Variants in NOTCH1 observed in about 807,000 individuals in gnomAD.
NOTCH1 encodes neurogenic locus notch homolog protein 1.
In NOTCH1, 37 loss-of-function variants were observed where a neutral mutation model predicts 254.8. The ratio of observed to expected loss-of-function variants is 0.15; its 90% CI spans 0.11 to 0.19. NOTCH1 has a LOEUF of 0.19. Ranked by LOEUF, NOTCH1 falls within the 10% of genes least tolerant of loss-of-function variation. The pLI, the probability that NOTCH1 is intolerant of heterozygous loss-of-function variation, is 1.00. For synonymous variants in NOTCH1, 1,731 were observed against 1,618.1 expected, an observed-to-expected ratio of 1.07 and a Z score of -1.68; for missense variants, 2,972 against 3,708.6, an observed-to-expected ratio of 0.80 and a Z score of 5.16.
chr9:136,505,703 T>C lies in NOTCH1; in HGVS notation c.4193A>G (p.Tyr1398Cys), dbSNP rs2133340423. ...TGTGGGCTCACAGGTCCCCTGGTTG[T>C]AGCAGGGGTTGCCGCCCAGGCAGGG... ...SSPCLGGNPC[Y>C]NQGTCEPTSE... is the part of the protein sequence containing the mutation. Residue 1398 changes from tyrosine to cysteine, a missense_variant, in exon 25 of 34, where the codon TAC becomes TGC. Tyr to Cys is a radical substitution (Grantham distance 194). This residue lies in a region of NOTCH1 where 1,343 missense variants were observed against 1,557.0 expected (regional missense o/e 0.86). Coordinates refer to ENST00000651671, the MANE Select transcript of NOTCH1 (RefSeq NM_017617.5). The C allele has an allele frequency of 6.2e-7, 1 of 1,604,410 alleles. No homozygotes were observed. The highest frequency in any genetic ancestry group is 1.3e-5 in the African/African-American group (1 of 74,858).
In NOTCH1 at chr9:136,497,459, C is replaced by CCATATGATCCGTGATGTCCCGGTTGG; in HGVS notation, c.6254_6279dup (p.Asp2094ProfsTer26). 6.2e-7 allele frequency: 1 copy of CCATATGATCCGTGATGTCCCGGTTGG among 1,612,496 alleles called. No homozygotes were observed. The highest frequency in any genetic ancestry group is 8.5e-7 in the Non-Finnish European group (1 of 1,179,950). On this transcript the variant is annotated frameshift_variant, in exon 34 of 34. Coordinates refer to ENST00000651671, the MANE Select transcript of NOTCH1 (RefSeq NM_017617.5). LOFTEE classifies it high-confidence loss of function. Reference sequence around the variant, plus strand: ...TGTGCGATGTCGCGCGGCAGGCGGTCCATATGATCCGTGATGTCCCGGTTG... The same window carrying CCATATGATCCGTGATGTCCCGGTTGG: ...TGTGCGATGTCGCGCGGCAGGCGGTCCATATGATCCGTGATGTCCCGGTTGGCATATGATCCGTGATGTCCCGGTTG...
chr9:136,510,026 G>A (rs948984087), intron 17 of NOTCH1, 65 bp from the exon 18 acceptor site: 23 of 1,474,788 alleles, frequency 1.6e-5, no homozygotes, highest in African/African-American at 2.8e-5. Flanking sequence ...GGAGGGGGCC[G>A]GGAAGGCTGC....
rs780500109 is a variant in NOTCH1, at chr9:136,505,587, C to T, written c.4309G>A (p.Gly1437Arg). The T allele has an allele frequency of 2.6e-5, 42 of 1,610,312 alleles. No homozygotes were observed. Among genetic ancestry groups the T allele is most frequent in the Non-Finnish European group, 3.5e-5 (41 of 1,178,858 alleles). Residue 1437 changes from glycine (G) to arginine (R), a missense_variant, in exon 25 of 34, where the codon GGG becomes AGG. Gly to Arg is a moderately radical substitution (Grantham distance 125, BLOSUM62 -2). Coordinates refer to ENST00000651671, the MANE Select transcript of NOTCH1 (RefSeq NM_017617.5). ...ILDYSFGGGA[G>R]RDIPPPLIEE... is the part of the protein sequence containing the mutation. Reference sequence around the variant, plus strand: ...ATCAGCGGCGGGGGGATGTCGCGCCCGGCCCCACCCCCGAAGCTGTAGTCC... The same window carrying T: ...ATCAGCGGCGGGGGGATGTCGCGCCTGGCCCCACCCCCGAAGCTGTAGTCC...
chr9:136,521,600 T>C (rs1843367526), intron 4 of NOTCH1, among the ~76,000 whole-genome samples: 1 of 151,802 alleles, frequency 6.6e-6, no homozygotes, highest in Non-Finnish European at 1.5e-5. Context: ...GGAGGTAGGG[T>C]CCCGTGCTGC....
intron 15 of NOTCH1, 46 bp downstream of exon 15, chr9:136,512,975 C>CCCCCA: frequency 1.4e-6 from 1 of 719,678 alleles, no homozygotes; most frequent in Admixed American, 2.3e-5. Context: ...CCGCCCCTCC[C>CCCCCA]ACATAGGCCC....
chr9:136,542,254 C>T (rs1052044106), intron 2 of NOTCH1, among the ~76,000 whole-genome samples: 1 of 152,174 alleles, frequency 6.6e-6, no homozygotes, highest in African/African-American at 2.4e-5. Context: ...TTTCCCAGCA[C>T]GGTGTTCCTC....
chr9:136,501,725 G>T, intron 30 of NOTCH1, 23 bp downstream of exon 30: 1 of 1,608,994 alleles, frequency 6.2e-7, no homozygotes. Flanking sequence ...GGCTAGGGAA[G>T]CCCTGGCTGC....
Position 136,506,797 on chromosome 9 carries a change from T to C in NOTCH1, c.3820A>G (p.Asn1274Asp), listed in dbSNP as rs1187634949. Residue 1274 changes from asparagine to aspartate, a missense_variant, in exon 23 of 34, where the codon AAT becomes GAT. Physicochemically the swap from Asn to Asp is conservative, Grantham distance 23 (BLOSUM62 1). This residue lies in a region of NOTCH1 where 1,343 missense variants were observed against 1,557.0 expected (regional missense o/e 0.86). Coordinates refer to ENST00000651671, the MANE Select transcript of NOTCH1 (RefSeq NM_017617.5). The surrounding 1 kb of genome is among the most constrained non-coding windows in gnomAD (Gnocchi z 4.5). ...CEGDVNECLS[N>D]PCDARGTQNC... is the part of the protein sequence containing the mutation. Reference sequence around the variant, plus strand: ...TGGGTGCCACGGGCGTCGCAGGGATTGGACAGGCACTCGTTGACATCCCCC... The same window carrying C: ...TGGGTGCCACGGGCGTCGCAGGGATCGGACAGGCACTCGTTGACATCCCCC... 2 of 1,611,826 alleles carry C rather than the reference T, an allele frequency of 1.2e-6. No homozygotes were observed. Among genetic ancestry groups the C allele is most frequent in the South Asian group, 1.1e-5 (1 of 90,880 alleles).
In NOTCH1 at chr9:136,494,958, C is replaced by T. The variant is rs1842894150; in HGVS notation, c.*1113G>A. On this transcript the variant is annotated 3_prime_UTR_variant, in exon 34 of 34. Transcript: ENST00000651671. Reference sequence around the variant, plus strand: ...ATGCCCCCTGCCAGGGCTGCGGGGACAGGACCAAAGGACGCAGCCCACGGC... The same window carrying T: ...ATGCCCCCTGCCAGGGCTGCGGGGATAGGACCAAAGGACGCAGCCCACGGC... 2.5e-6 allele frequency: 1 copy of T among 398,842 alleles called. No homozygotes were observed. The highest frequency in any genetic ancestry group is 3.5e-5 in the East Asian group (1 of 28,206). 24.7% of individuals were successfully genotyped at this position (398,842 alleles called of 1,614,324 possible).
intron 18 of NOTCH1, 56 bp from the exon 19 acceptor site, chr9:136,509,127 C>G (rs1589061518): frequency 6.8e-7 from 1 of 1,473,862 alleles, no homozygotes; most frequent in African/African-American, 1.4e-5. Context: ...GGTCCCCGCT[C>G]CAGCAGATTC....
intron 8 of NOTCH1, 124 bp downstream of exon 8, chr9:136,517,628 G>T: frequency 8.1e-7 from 1 of 1,239,212 alleles, no homozygotes; most frequent in Non-Finnish European, 1.1e-6. Flanking sequence ...CCCTGTGCAG[G>T]CTGTGGGCCC....
chr9:136,536,958 G>A (rs940266218), intron 2 of NOTCH1, among the ~76,000 whole-genome samples: 1 of 152,392 alleles, frequency 6.6e-6, no homozygotes, highest in African/African-American at 2.4e-5. Flanking sequence ...CCTCCTGGGG[G>A]CTAAGGGATG....
At chr9:136,517,448 G>A (rs1843294302) in intron 8 of NOTCH1, 63 bp from the exon 9 acceptor site, 2 of 1,184,810 alleles carry the variant, frequency 1.7e-6, no homozygotes, top group South Asian at 1.3e-5. Flanking sequence ...GGGCACAGCT[G>A]TGGACTTGGG....
chr9:136,498,986 G>A lies in NOTCH1; in HGVS notation c.6093C>T (p.Ala2031=), dbSNP rs772519090. The change falls in exon 33 of 34, where the codon GCC becomes GCT. Residue 2031 remains alanine (A), a synonymous_variant. Transcript: ENST00000651671. The part of the protein sequence containing the change: ...VNAVDDLGKS[A]LHWAAAVNNV... ...TGTTCACGGCGGCGGCCCAGTGCAG[G>A]GCGGACTTGCCTGCGTGAAAGAAGC... 1 of 1,613,422 alleles carries A rather than the reference G, an allele frequency of 6.2e-7. No individual in the cohort carries two copies. Among genetic ancestry groups the A allele is most frequent in the Non-Finnish European group, 8.5e-7 (1 of 1,180,012 alleles).
At chr9:136,542,000 G>A (rs550819163) in intron 2 of NOTCH1, among the ~76,000 whole-genome samples, 12 of 152,272 alleles carry the variant, frequency 7.9e-5, no homozygotes, top group Non-Finnish European at 1.5e-4. Flanking sequence ...AGCCATGGTC[G>A]GCGGCCTGCC....
At position 136,513,372 on chromosome 9, in the gene NOTCH1, G is replaced by C. The variant is rs1223067178; in HGVS notation, c.2353+20C>G. 6.2e-6 allele frequency: 10 copies of C among 1,612,456 alleles called. No individual in the cohort carries two copies. The highest frequency in any genetic ancestry group is 8.5e-6 in the Non-Finnish European group (10 of 1,180,012). ...ACTCGAGGGCGGCCCTCTGCACTGA[G>C]AAACGCGCAGCCCACTCACCGCTGA... is the stretch of plus-strand genomic sequence containing the variant. On this transcript the variant is annotated intron_variant, in intron 14 of 33. Coordinates refer to ENST00000651671, the MANE Select transcript of NOTCH1 (RefSeq NM_017617.5). This position sits in a 1 kb window ranked among gnomAD's most constrained non-coding sequence, Gnocchi z 4.7.
intron 4 of NOTCH1, among the ~76,000 whole-genome samples, chr9:136,520,285 T>C (rs1395503051): frequency 6.6e-6 from 1 of 151,822 alleles, no homozygotes; most frequent in African/African-American, 2.4e-5. Flanking sequence ...GAACCCCCGT[T>C]GCCCTTGGAG....
In NOTCH1 at chr9:136,511,178, GAGA is replaced by G. The variant is rs779164170; in HGVS notation, c.2558_2560del (p.Phe853del). The G allele has an allele frequency of 2.9e-5, 46 of 1,612,802 alleles. No individual in the cohort carries two copies. The highest frequency in any genetic ancestry group is 3.7e-5 in the Non-Finnish European group (44 of 1,180,008). On this transcript the variant is annotated inframe_deletion, in exon 16 of 34. Transcript: ENST00000651671. Reference sequence around the variant, plus strand: ...TTGCCAGCCCGTGGGGCAGACACAGGAGAAGCTCTCATAGTCCTCGGATTGCCT... The same window carrying G: ...TTGCCAGCCCGTGGGGCAGACACAGGAGCTCTCATAGTCCTCGGATTGCCT...
intron 15 of NOTCH1, among the ~76,000 whole-genome samples, chr9:136,512,432 G>A (rs994615950): frequency 6.6e-6 from 1 of 152,206 alleles, no homozygotes; most frequent in Non-Finnish European, 1.5e-5. Flanking sequence ...TTTTCTAGAG[G>A]AGATCATTTC....
Sources: gnomAD v4.1 joint callset for allele counts (sites outside exome capture counted in the v4.1 genomes callset) on GRCh38, gnomAD v4.1.1 for gene constraint, gnomAD v4.1.1 regional missense constraint, Gnocchi (gnomAD v3.1) non-coding constraint, MANE v1.5 for transcripts, NCBI Gene and HGNC (gene_info 2026-07-23, HGNC 2026-07-21) for gene names.